ANKS6: variants seen among roughly 807,000 people sequenced by gnomAD.
ANKS6 encodes the protein ankyrin repeat and SAM domain-containing protein 6.
Under a neutral mutation model 77.9 loss-of-function variants are expected in ANKS6, and 47 were observed. That is an observed-to-expected ratio of 0.60 (90% CI 0.48 to 0.77). ANKS6 has a LOEUF of 0.77. Among genes scored for constraint, ANKS6 ranks in the 30% least tolerant of loss-of-function variants. ANKS6 has a pLI of 0.00. For missense variants in ANKS6, 1,150 were observed against 1,159.1 expected, an observed-to-expected ratio of 0.99 and a Z score of 0.11; for synonymous variants, 488 against 501.7, an observed-to-expected ratio of 0.97 and a Z score of 0.37.
Position 98,735,065 on chromosome 9 carries a change from A to C in ANKS6, c.*1454T>G. On this transcript the variant is annotated 3_prime_UTR_variant, in exon 15 of 15. Coordinates refer to ENST00000353234, the MANE Select transcript of ANKS6 (RefSeq NM_173551.5). ...GACAGATGAGAGATGGCACCTCCCAAGGAGACCAACTTGTGGCTCAGCATG... is the reference window on the plus strand; with the variant it reads ...GACAGATGAGAGATGGCACCTCCCACGGAGACCAACTTGTGGCTCAGCATG... 3.0e-6 allele frequency: 3 copies of C among 985,440 alleles called. No homozygotes were observed. In the South Asian group the frequency reaches 1.4e-4, roughly 46 times the overall value. 61.0% of individuals were successfully genotyped at this position (985,440 alleles called of 1,614,324 possible).
Position 98,768,169 on chromosome 9 carries a change from T to C in ANKS6, c.2054A>G (p.His685Arg), listed in dbSNP as rs772564170. The change falls in exon 11 of 15, where the codon CAT becomes CGT. Residue 685 changes from histidine (H) to arginine (R), a missense_variant. Transcript: ENST00000353234. Reference sequence around the variant, plus strand: ...TGCTGGCCCCACAGGGCTTGACCGATGGCTGGGTTTCTGCTCCAATAATCC... The same window carrying C: ...TGCTGGCCCCACAGGGCTTGACCGACGGCTGGGTTTCTGCTCCAATAATCC... The part of the protein sequence containing the change: ...AAGLLEQKPS[H>R]RSSPVGPAPG... 5.6e-6 allele frequency: 9 copies of C among 1,613,948 alleles called. No individual in the cohort carries two copies. The highest frequency in any genetic ancestry group is 1.7e-6 in the Non-Finnish European group (2 of 1,180,032).
chr9:98,780,478 C>T lies in ANKS6; in HGVS notation c.1220-141G>A, dbSNP rs1200970631. The T allele has an allele frequency of 6.9e-6, 7 of 1,016,324 alleles. No individual in the cohort carries two copies. The East Asian group carries it at 1.9e-4, about 27-fold the overall frequency. 63.0% of individuals were successfully genotyped at this position (1,016,324 alleles called of 1,614,324 possible). A position where few individuals can be genotyped will look rare whatever the true frequency, so the allele number is the denominator to read the frequency against. On this transcript the variant is annotated intron_variant, in intron 5 of 14. Coordinates refer to ENST00000353234, the MANE Select transcript of ANKS6 (RefSeq NM_173551.5). ...GTAATTCCAGAATCAAGGCACCTGC[C>T]TCTCCATCTGATCTTCAAAAGGTGG...
chr9:98,747,506 G>A (rs1240277012), intron 13 of ANKS6, among the ~76,000 whole-genome samples: 1 of 152,050 alleles, frequency 6.6e-6, no homozygotes, highest in African/African-American at 2.4e-5. Flanking sequence ...TAAGCTCCTG[G>A]CATCTCCTGG....
At chr9:98,774,291 TCTC>T (rs1385947526) in intron 8 of ANKS6, among the ~76,000 whole-genome samples, 1 of 152,072 alleles carries the variant, frequency 6.6e-6, no homozygotes, top group Non-Finnish European at 1.5e-5. Context: ...CTTCTGGATC[TCTC>T]CTCACAGCAG....
At chr9:98,739,779 C>T (rs1374813310) in intron 14 of ANKS6, among the ~76,000 whole-genome samples, 117 of 8,196 alleles carry the variant, frequency 0.014, 2 homozygotes, top group African/African-American at 0.023. Flanking sequence ...TTTTTTGAGA[C>T]GGAGTCTTGC....
chr9:98,779,612 G>A (rs1261616155), intron 6 of ANKS6, among the ~76,000 whole-genome samples: 2 of 151,722 alleles, frequency 1.3e-5, no homozygotes, highest in Non-Finnish European at 2.9e-5. Flanking sequence ...GCCCAGGCTG[G>A]AGTGCAGTGA....
intron 1 of ANKS6, among the ~76,000 whole-genome samples, chr9:98,795,363 A>AACCTTCCATGACTCCCTAGC (rs569027694): frequency 6.6e-6 from 1 of 152,024 alleles, no homozygotes; most frequent in Admixed American, 6.6e-5. Context: ...TTCTGCCTAG[A>AACCTTCCATGACTCCCTAGC]ACCTTCCATG....
At chr9:98,771,483 ATCT>A (rs1403232097) in intron 9 of ANKS6, among the ~76,000 whole-genome samples, 1 of 151,870 alleles carries the variant, frequency 6.6e-6, no homozygotes, top group Non-Finnish European at 1.5e-5. Context: ...CCTGAAATGG[ATCT>A]TCTCCTCCCC....
intron 2 of ANKS6, among the ~76,000 whole-genome samples, chr9:98,786,650 T>C (rs1024584218): frequency 2.0e-5 from 3 of 152,196 alleles, no homozygotes; most frequent in Non-Finnish European, 2.9e-5. Flanking sequence ...TATATCAATT[T>C]TGCCTGTGAA....
chr9:98,778,120 C>T, intron 7 of ANKS6, 106 bp downstream of exon 7: 1 of 1,332,364 alleles, frequency 7.5e-7, no homozygotes, highest in Non-Finnish European at 1.0e-6. Flanking sequence ...TGTCCCATTC[C>T]AACATCATCT....
chr9:98,753,721 G>C (rs1486786435), intron 12 of ANKS6, among the ~76,000 whole-genome samples: 1 of 152,048 alleles, frequency 6.6e-6, no homozygotes, highest in Non-Finnish European at 1.5e-5. Flanking sequence ...TAATGCCCCT[G>C]AAAGTGAAGC....
chr9:98,756,481 C>G lies in ANKS6; in HGVS notation c.2265G>C (p.Ser755=), dbSNP rs566372073. The G allele has an allele frequency of 2.3e-5, 37 of 1,613,348 alleles. No homozygotes were observed. In the Admixed American group the frequency reaches 3.0e-4, roughly 13 times the overall value. The change falls in exon 12 of 15, where the codon TCG becomes TCC. Residue 755 remains serine (S), a synonymous_variant. Coordinates refer to ENST00000353234, the MANE Select transcript of ANKS6 (RefSeq NM_173551.5). ...GHTAESSVSS[S]SSHRQSKSSG... is the part of the protein sequence containing the mutation. Reference sequence around the variant, plus strand: ...TGCTCTTGGACTGCCGATGGGATGACGAGGAAGACACTGAGGACTCTGCAG... The same window carrying G: ...TGCTCTTGGACTGCCGATGGGATGAGGAGGAAGACACTGAGGACTCTGCAG...
Position 98,768,174 on chromosome 9 carries a change from G to C in ANKS6, c.2049C>G (p.Pro683=). The C allele has an allele frequency of 6.2e-7, 1 of 1,614,104 alleles. No homozygotes were observed. The highest frequency in any genetic ancestry group is 8.5e-7 in the Non-Finnish European group (1 of 1,180,040). The stretch of plus-strand genomic sequence containing the variant: ...GCCCCACAGGGCTTGACCGATGGCT[G>C]GGTTTCTGCTCCAATAATCCGGCTG... ...KKAAGLLEQK[P]SHRSSPVGPA... is the part of the protein sequence containing the mutation. The change falls in exon 11 of 15, where the codon CCC becomes CCG. Residue 683 remains proline, a synonymous_variant. Coordinates refer to ENST00000353234, the MANE Select transcript of ANKS6 (RefSeq NM_173551.5).
At chr9:98,742,454 G>C (rs1237338597) in intron 14 of ANKS6, among the ~76,000 whole-genome samples, 2 of 152,162 alleles carry the variant, frequency 1.3e-5, no homozygotes, top group East Asian at 1.9e-4. Context: ...AGTTAAATTT[G>C]CTTTTGTACT....
chr9:98,768,581 C>T (rs1833437980), intron 10 of ANKS6, among the ~76,000 whole-genome samples: 1 of 152,184 alleles, frequency 6.6e-6, no homozygotes, highest in African/African-American at 2.4e-5. Flanking sequence ...CACTCGATGC[C>T]CACAGAAGCC....
chr9:98,788,987 T>A (rs1303560809), intron 2 of ANKS6, among the ~76,000 whole-genome samples: 1 of 152,186 alleles, frequency 6.6e-6, no homozygotes, highest in East Asian at 1.9e-4. Flanking sequence ...CATTACAGGC[T>A]TTTAAAACAT....
chr9:98,790,594 C>A lies in ANKS6; in HGVS notation c.372G>T (p.Val124=), dbSNP rs1834852745. ...ALMQAARFGH[V]SVAHLLLDHG... is the part of the protein sequence containing the mutation. ...GATCCAACAGGAGGTGTGCCACACTCACATGCCCAAATCTGCCAGGAAGAT... is the reference window on the plus strand; with the variant it reads ...GATCCAACAGGAGGTGTGCCACACTAACATGCCCAAATCTGCCAGGAAGAT... Residue 124 remains valine, a synonymous_variant, in exon 2 of 15, where the codon GTG becomes GTT. Transcript: ENST00000353234. 1 of 1,597,956 alleles carries A rather than the reference C, an allele frequency of 6.3e-7. No homozygotes were observed. Among genetic ancestry groups the A allele is most frequent in the Non-Finnish European group, 8.6e-7 (1 of 1,166,976 alleles).
Position 98,734,865 on chromosome 9 carries a change from C to T in ANKS6, c.*1654G>A, listed in dbSNP as rs552410489. 38 of 985,462 alleles carry T rather than the reference C, an allele frequency of 3.9e-5. No homozygotes were observed. The highest frequency in any genetic ancestry group is 4.3e-5 in the Non-Finnish European group (36 of 829,950). 61.0% of individuals were successfully genotyped at this position (985,462 alleles called of 1,614,324 possible). ...CTATCAGTAACAGCTAAATGAAACA[C>T]TTTGTCTTCAGTCCTGTGGAAAGTT... is the stretch of plus-strand genomic sequence containing the variant. On this transcript the variant is annotated 3_prime_UTR_variant, in exon 15 of 15. Coordinates refer to ENST00000353234, the MANE Select transcript of ANKS6 (RefSeq NM_173551.5).
intron 5 of ANKS6, 78 bp from the exon 6 acceptor site, chr9:98,780,415 T>C: frequency 6.8e-7 from 1 of 1,461,804 alleles, no homozygotes; most frequent in Non-Finnish European, 9.2e-7. Context: ...ATGACCCCTG[T>C]TAGACTTAGA....
Sources: allele counts gnomAD v4.1 joint callset (sites outside exome capture counted in the v4.1 genomes callset), GRCh38; gene constraint gnomAD v4.1.1; transcripts MANE v1.5; gene names NCBI Gene and HGNC (gene_info 2026-07-23, HGNC 2026-07-21).